The following CCSER1 variants were observed in gnomAD, a reference collection of about 807,000 sequenced individuals.
CCSER1 encodes coiled-coil serine rich protein 1.
Under a neutral mutation model 82.0 loss-of-function variants are expected in CCSER1, and 41 were observed. The ratio of observed to expected loss-of-function variants is 0.50; its 90% CI spans 0.39 to 0.65. The LOEUF is 0.65. Among genes scored for constraint, CCSER1 ranks in the 30% least tolerant of loss-of-function variants. The pLI is 0.00. For synonymous variants in CCSER1, 414 were observed against 383.9 expected, an observed-to-expected ratio of 1.08 and a Z score of -0.92; for missense variants, 1,119 against 1,064.2, an observed-to-expected ratio of 1.05 and a Z score of -0.72.
intron 10 of CCSER1, among the ~76,000 whole-genome samples, chr4:91,367,657 A>T (rs1441104418): frequency 3.9e-5 from 6 of 152,058 alleles, no homozygotes; most frequent in African/African-American, 1.4e-4. Flanking sequence ...CTCTCTACAC[A>T]TTACTATATC....
chr4:90,624,303 G>A (rs1363697156), intron 5 of CCSER1, among the ~76,000 whole-genome samples: 2 of 152,028 alleles, frequency 1.3e-5, no homozygotes, highest in African/African-American at 2.4e-5. Flanking sequence ...ATAGTCATTT[G>A]GGCCATTTTA....
At chr4:90,422,502 G>A (rs1756849627) in intron 4 of CCSER1, among the ~76,000 whole-genome samples, 1 of 152,070 alleles carries the variant, frequency 6.6e-6, no homozygotes, top group African/African-American at 2.4e-5. Context: ...GGCTGGGGTG[G>A]GAGGATCGCT....
At chr4:90,803,533 A>G (rs913186177) in intron 7 of CCSER1, among the ~76,000 whole-genome samples, 1 of 152,202 alleles carries the variant, frequency 6.6e-6, no homozygotes, top group Non-Finnish European at 1.5e-5. Flanking sequence ...CCTGCAAAGG[A>G]CATGAACTCA....
At chr4:90,586,044 G>T (rs1321353086) in intron 5 of CCSER1, among the ~76,000 whole-genome samples, 3 of 152,248 alleles carry the variant, frequency 2.0e-5, no homozygotes, top group East Asian at 1.9e-4. Flanking sequence ...TAGAACAGGG[G>T]TCCCCAATCC....
At chr4:90,920,010 TTATC>T (rs1728139491) in intron 8 of CCSER1, among the ~76,000 whole-genome samples, 1 of 151,946 alleles carries the variant, frequency 6.6e-6, no homozygotes, top group South Asian at 2.1e-4. Context: ...TTTATAAAAT[TTATC>T]TACTACAAAT....
At chr4:91,383,296 T>C (rs1751055156) in intron 10 of CCSER1, among the ~76,000 whole-genome samples, 6 of 152,170 alleles carry the variant, frequency 3.9e-5, no homozygotes, top group Admixed American at 3.9e-4. Context: ...ATATGAAGTA[T>C]CACAATCATT....
At chr4:91,303,231 T>C (rs1744802624) in intron 10 of CCSER1, among the ~76,000 whole-genome samples, 2 of 151,992 alleles carry the variant, frequency 1.3e-5, no homozygotes, top group East Asian at 3.9e-4. Context: ...GAAAGCAGTC[T>C]TATGAAGTTA....
At chr4:91,583,721 T>A (rs1019771276) in intron 10 of CCSER1, among the ~76,000 whole-genome samples, 3 of 151,530 alleles carry the variant, frequency 2.0e-5, no homozygotes, top group Non-Finnish European at 4.4e-5. Flanking sequence ...TGCATGTTTT[T>A]ATATAAGAAC....
chr4:90,558,465 C>T (rs1778375484), intron 5 of CCSER1, among the ~76,000 whole-genome samples: 1 of 152,050 alleles, frequency 6.6e-6, no homozygotes, highest in Admixed American at 6.6e-5. Flanking sequence ...CATCTGCTTG[C>T]TACCTAACCT....
chr4:90,438,366 T>C (rs1251094458), intron 4 of CCSER1, among the ~76,000 whole-genome samples: 1 of 152,176 alleles, frequency 6.6e-6, no homozygotes, highest in Non-Finnish European at 1.5e-5. Context: ...ACTAAGATCC[T>C]TTCAAAGGCT....
chr4:90,377,327 G>C (rs539587894), intron 3 of CCSER1, among the ~76,000 whole-genome samples: 1 of 152,078 alleles, frequency 6.6e-6, no homozygotes, highest in Non-Finnish European at 1.5e-5. Flanking sequence ...TTATGACTAG[G>C]TAATAAAATC....
At chr4:90,976,198 A>G (rs1191706989) in intron 9 of CCSER1, among the ~76,000 whole-genome samples, 5 of 151,370 alleles carry the variant, frequency 3.3e-5, no homozygotes, top group Non-Finnish European at 7.4e-5. Context: ...TTTAATTTAC[A>G]TTAAAAGGCT....
At chr4:91,444,782 GT>G (rs1231940137) in intron 10 of CCSER1, among the ~76,000 whole-genome samples, 1 of 152,216 alleles carries the variant, frequency 6.6e-6, no homozygotes, top group Non-Finnish European at 1.5e-5. Context: ...ACCACTGTGA[GT>G]GAAATGTCAG....
At chr4:90,835,076 A>C (rs140547589) in intron 8 of CCSER1, among the ~76,000 whole-genome samples, 1,934 of 152,242 alleles carry the variant, frequency 0.013, 32 homozygotes, top group African/African-American at 0.045. Context: ...CTCACGCCTT[A>C]ATCCCAGCAC....
intron 5 of CCSER1, among the ~76,000 whole-genome samples, chr4:90,615,209 C>A (rs1181353196): frequency 2.0e-5 from 3 of 152,128 alleles, no homozygotes; most frequent in Admixed American, 2.0e-4. Context: ...GTCAACCAAG[C>A]ATTCTGATGG....
In CCSER1 at chr4:91,336,808, G is replaced by A. The variant is rs144489416; in HGVS notation, c.2217+250814G>A. Reference sequence around the variant, plus strand: ...GCCTATAAAATTATAGAAACATAATGTTAAACTTTACTGACCTCCACATTT... The same window carrying A: ...GCCTATAAAATTATAGAAACATAATATTAAACTTTACTGACCTCCACATTT... On this transcript the variant is annotated intron_variant, in intron 10 of 10. Coordinates refer to ENST00000509176, the MANE Select transcript of CCSER1 (RefSeq NM_001145065.2). Among the ~76,000 whole-genome samples the A allele has an allele frequency of 3.1e-3, 470 of 152,080 alleles. 1 individual carries two copies. The highest frequency in any genetic ancestry group is 0.011 in the African/African-American group (452 of 41,520).
chr4:90,250,853 T>G (rs980884949), intron 1 of CCSER1, among the ~76,000 whole-genome samples: 3 of 152,042 alleles, frequency 2.0e-5, no homozygotes, highest in African/African-American at 7.2e-5. Context: ...ATCAAATGTC[T>G]TCAATTTCTT....
chr4:90,737,362 A>G (rs1190649053), intron 7 of CCSER1, among the ~76,000 whole-genome samples: 1 of 152,112 alleles, frequency 6.6e-6, no homozygotes, highest in Admixed American at 6.6e-5. Flanking sequence ...TCTCCTTTAT[A>G]TATGAGGATA....
intron 1 of CCSER1, among the ~76,000 whole-genome samples, chr4:90,169,327 A>G (rs555364477): frequency 2.0e-5 from 3 of 152,012 alleles, no homozygotes; most frequent in South Asian, 2.1e-4. Flanking sequence ...CATTGATTTT[A>G]TATCCTGAGA....
Sources: gnomAD v4.1 joint callset for allele counts (sites outside exome capture counted in the v4.1 genomes callset) on GRCh38, gnomAD v4.1.1 for gene constraint, MANE v1.5 for transcripts, NCBI Gene and HGNC (gene_info 2026-07-23, HGNC 2026-07-21) for gene names.